The following RAB21 variants were observed in gnomAD, a reference collection of about 807,000 sequenced individuals.
RAB21 encodes ras-related protein Rab-21.
In RAB21, 13 loss-of-function variants were observed where a neutral mutation model predicts 33.1. The observed-to-expected ratio is 0.39, with a 90% CI of 0.26 to 0.62. The LOEUF (loss-of-function observed/expected upper bound fraction) is 0.62. Ranked by LOEUF, RAB21 falls within the 20% of genes least tolerant of loss-of-function variation. The pLI, the probability that RAB21 is intolerant of heterozygous loss-of-function variation, is 0.48. For missense variants in RAB21, 234 were observed against 279.1 expected, an observed-to-expected ratio of 0.84 and a Z score of 1.15; for synonymous variants, 91 against 103.7, an observed-to-expected ratio of 0.88 and a Z score of 0.74.
At chr12:71,774,363 G>A (rs1266001998) in intron 4 of RAB21, 1 of 158,824 alleles carries the variant, frequency 6.3e-6, no homozygotes, top group East Asian at 1.8e-4. Flanking sequence ...CTACTTGGGA[G>A]GCTGAAGTGG....
In RAB21 at chr12:71,794,878, A is replaced by G. The variant is rs891083999; in HGVS notation, c.*9205A>G. On this transcript the variant is annotated 3_prime_UTR_variant, in exon 7 of 7. Transcript: ENST00000261263. ...CTTGAACCCAGGAGACGGAGGTTGCAGTGAGCAGACCTGGTGCCACTGGAC... is the reference window on the plus strand; with the variant it reads ...CTTGAACCCAGGAGACGGAGGTTGCGGTGAGCAGACCTGGTGCCACTGGAC... 1 of 151,080 alleles carries G rather than the reference A, an allele frequency of 6.6e-6. No homozygotes were observed. The highest frequency in any genetic ancestry group is 1.5e-5 in the Non-Finnish European group (1 of 67,846). The allele number at this position is 151,080 out of a possible 1,614,324, so 9.4% of individuals were successfully genotyped here.
At position 71,782,062 on chromosome 12, in the gene RAB21, T is replaced by C. The variant is rs779051983; in HGVS notation, c.423T>C (p.His141=). ...GNKIDLEKER[H]VSIQEAESYA... is the part of the protein sequence containing the mutation. ...AAATAGACTTGGAAAAGGAGAGACA[T>C]GTTTCCATTCAAGAAGCAGAGTCGT... The change falls in exon 5 of 7, where the codon CAT becomes CAC. Residue 141 remains histidine, a synonymous_variant. Coordinates refer to ENST00000261263, the MANE Select transcript of RAB21 (RefSeq NM_014999.4). 6.2e-7 allele frequency: 1 copy of C among 1,607,722 alleles called. No individual in the cohort carries two copies.
chr12:71,769,160 T>G (rs536421390), intron 1 of RAB21, among the ~76,000 whole-genome samples: 1 of 152,340 alleles, frequency 6.6e-6, no homozygotes, highest in Admixed American at 6.5e-5. Context: ...CTCTGAAGCC[T>G]TCTTTGACTC....
chr12:71,785,696 AAGAC>A lies in RAB21; in HGVS notation c.*27_*30del. The A allele has an allele frequency of 6.2e-7, 1 of 1,613,700 alleles. No homozygotes were observed. Among genetic ancestry groups the A allele is most frequent in the Non-Finnish European group, 8.5e-7 (1 of 1,179,722 alleles). On this transcript the variant is annotated 3_prime_UTR_variant, in exon 7 of 7. Transcript: ENST00000261263. ...TAACTGTTCACGCCTAAGAAATTAAAAGACAGAACAAAACTGTGGATCATTGCCC... is the reference window on the plus strand; with the variant it reads ...TAACTGTTCACGCCTAAGAAATTAAAAGAACAAAACTGTGGATCATTGCCC...
At chr12:71,771,059 A>T (rs1339247762) in intron 3 of RAB21, among the ~76,000 whole-genome samples, 1 of 152,198 alleles carries the variant, frequency 6.6e-6, no homozygotes, top group Non-Finnish European at 1.5e-5. Flanking sequence ...CCTTAATTCC[A>T]TACGCATTGG....
At chr12:71,763,311 G>T (rs575725919) in intron 1 of RAB21, among the ~76,000 whole-genome samples, 2 of 151,800 alleles carry the variant, frequency 1.3e-5, no homozygotes, top group Non-Finnish European at 2.9e-5. Context: ...TTGACAGAAC[G>T]GTAGTTAGCA....
In RAB21 at chr12:71,785,820, G is replaced by A. The variant is rs1883276780; in HGVS notation, c.*147G>A. 5 of 811,272 alleles carry A rather than the reference G, an allele frequency of 6.2e-6. No individual in the cohort carries two copies. The highest frequency in any genetic ancestry group is 9.3e-6 in the Non-Finnish European group (5 of 534,968). The allele number at this position is 811,272 out of a possible 1,614,324, so 50.3% of individuals were successfully genotyped here. A position where few individuals can be genotyped will look rare whatever the true frequency, so the allele number is the denominator to read the frequency against. ...TAAATTACGTTTATAACACTGCAGA[G>A]ACCTTAAGTGCTAAACTTAGTGGAG... On this transcript the variant is annotated 3_prime_UTR_variant, in exon 7 of 7. Transcript: ENST00000261263.
rs1290225628 is a variant in RAB21, at chr12:71,788,016, G to A, written c.*2343G>A. 6.6e-6 allele frequency: 1 copy of A among 152,186 alleles called. No homozygotes were observed. Among genetic ancestry groups the A allele is most frequent in the East Asian group, 1.9e-4 (1 of 5,202 alleles). 9.4% of individuals were successfully genotyped at this position (152,186 alleles called of 1,614,324 possible). The stretch of plus-strand genomic sequence containing the variant: ...AAAAACTAGAGTAGCTGGGCACAGA[G>A]GCATGCATTTGTAGGGCCAGCTACT... On this transcript the variant is annotated 3_prime_UTR_variant, in exon 7 of 7. Transcript: ENST00000261263.
At chr12:71,756,645 C>T (rs1565882178) in intron 1 of RAB21, among the ~76,000 whole-genome samples, 4 of 152,188 alleles carry the variant, frequency 2.6e-5, no homozygotes, top group Admixed American at 1.3e-4. Context: ...TACCAGAACA[C>T]TGACAAAATT....
At chr12:71,782,861 A>C (rs536805024) in intron 6 of RAB21, among the ~76,000 whole-genome samples, 6 of 152,148 alleles carry the variant, frequency 3.9e-5, no homozygotes, top group Admixed American at 3.9e-4. Flanking sequence ...GCAGTAATTA[A>C]TGGTTATGAA....
At chr12:71,769,754 C>T (rs1306042523) in intron 1 of RAB21, 46 bp from the exon 2 acceptor site, 4 of 1,038,434 alleles carry the variant, frequency 3.9e-6, no homozygotes, top group Non-Finnish European at 5.4e-6. Flanking sequence ...GGATAAAGAA[C>T]CTTATTTTAT....
At chr12:71,755,457 G>A (rs1882771142) in intron 1 of RAB21, among the ~76,000 whole-genome samples, 169 bp downstream of exon 1, 1 of 152,156 alleles carries the variant, frequency 6.6e-6, no homozygotes, top group Non-Finnish European at 1.5e-5. Context: ...CCAGGTCGGG[G>A]CAGCCTGTAG....
chr12:71,763,725 C>T (rs1421741229), intron 1 of RAB21, among the ~76,000 whole-genome samples: 1 of 152,210 alleles, frequency 6.6e-6, no homozygotes, highest in Non-Finnish European at 1.5e-5. Flanking sequence ...CCATAACTTA[C>T]ATGGATCCTT....
chr12:71,781,917 G>C (rs2289078), intron 4 of RAB21, 114 bp from the exon 5 acceptor site: 33,587 of 727,586 alleles, frequency 0.046, 973 homozygotes, highest in South Asian at 0.094. Flanking sequence ...GTCTGGTGGG[G>C]ATTTGCATTA....
intron 2 of RAB21, 58 bp downstream of exon 2, chr12:71,769,917 T>G (rs913571005): frequency 1.1e-6 from 1 of 929,452 alleles, no homozygotes; most frequent in African/African-American, 1.7e-5. Flanking sequence ...TCTTTTTTTT[T>G]AAAGTTAATT....
intron 1 of RAB21, among the ~76,000 whole-genome samples, chr12:71,767,319 A>C (rs1342389100): frequency 1.3e-5 from 2 of 152,092 alleles, no homozygotes; most frequent in Non-Finnish European, 2.9e-5. Flanking sequence ...GGTAGAAAAG[A>C]AATGAGGCAG....
rs1396622269 is a variant in RAB21 at position 71,792,550 on chromosome 12, A to G, written c.*6877A>G. The G allele has an allele frequency of 6.6e-6, 1 of 152,234 alleles. No homozygotes were observed. Among genetic ancestry groups the G allele is most frequent in the Non-Finnish European group, 1.5e-5 (1 of 68,038 alleles). The allele number at this position is 152,234 out of a possible 1,614,324, so 9.4% of individuals were successfully genotyped here. On this transcript the variant is annotated 3_prime_UTR_variant, in exon 7 of 7. Transcript: ENST00000261263. ...CGTGTGCCCCAGAACAAATGCATTT[A>G]TTCATGTTTGACTTTAAATGAAAAT...
At position 71,792,759 on chromosome 12, in the gene RAB21, G is replaced by A. The variant is rs940667949; in HGVS notation, c.*7086G>A. 2.0e-5 allele frequency: 3 copies of A among 152,212 alleles called. No homozygotes were observed. The highest frequency in any genetic ancestry group is 7.2e-5 in the African/African-American group (3 of 41,438). 9.4% of individuals were successfully genotyped at this position (152,212 alleles called of 1,614,324 possible). A position where few individuals can be genotyped will look rare whatever the true frequency, so the allele number is the denominator to read the frequency against. On this transcript the variant is annotated 3_prime_UTR_variant, in exon 7 of 7. Transcript: ENST00000261263. ...TACATGGGAGAACCAGATAGCCAAA[G>A]TGCCTTCCTTTATCGTTGGAACCTA...
intron 4 of RAB21, among the ~76,000 whole-genome samples, chr12:71,776,197 A>G (rs1883117103): frequency 6.6e-6 from 1 of 152,208 alleles, no homozygotes. Context: ...ACACATACAT[A>G]AAGTCAAGGA....
Sources: gnomAD v4.1 joint callset for allele counts (sites outside exome capture counted in the v4.1 genomes callset) on GRCh38, gnomAD v4.1.1 for gene constraint, MANE v1.5 for transcripts, NCBI Gene and HGNC (gene_info 2026-07-23, HGNC 2026-07-21) for gene names.